Variants in HDAC9 observed in about 807,000 individuals in gnomAD.
HDAC9 encodes the protein MEF-2 interacting transcription repressor (MITR) protein.
A neutral mutation model predicts 139.4 loss-of-function variants in HDAC9; 41 were observed. That is an observed-to-expected ratio of 0.29 (90% CI 0.23 to 0.38). The LOEUF is 0.38. Ranked by LOEUF, HDAC9 falls within the 10% of genes least tolerant of loss-of-function variation. The pLI, the probability that HDAC9 is intolerant of heterozygous loss-of-function variation, is 1.00. For synonymous variants in HDAC9, 517 were observed against 476.2 expected (o/e 1.09, Z -1.12); for missense variants, 1,147 against 1,297.0 (o/e 0.88, Z 1.78).
chr7:18,770,844 G>C (rs1387193575), intron 16 of HDAC9, among the ~76,000 whole-genome samples: 1 of 152,164 alleles, frequency 6.6e-6, no homozygotes, highest in Non-Finnish European at 1.5e-5. Flanking sequence ...AAGCTGTGCT[G>C]GGGTTTACAG....
chr7:18,394,924 C>A (rs1405813840), intron 1 of HDAC9, among the ~76,000 whole-genome samples: 1 of 152,004 alleles, frequency 6.6e-6, no homozygotes, highest in Non-Finnish European at 1.5e-5. Flanking sequence ...TTTCATTTAA[C>A]ATAATTTAAC....
In HDAC9 at chr7:18,719,331, C is replaced by CTTTTTTTTTTTTTTTTTTTTTTTTTT. The variant is rs757689693; in HGVS notation, c.1732-8248_1732-8223dup. Among the ~76,000 whole-genome samples, 36 of 73,914 alleles carry CTTTTTTTTTTTTTTTTTTTTTTTTTT rather than the reference C, an allele frequency of 4.9e-4. 3 individuals are homozygous for CTTTTTTTTTTTTTTTTTTTTTTTTTT. The highest frequency in any genetic ancestry group is 1.2e-3 in the African/African-American group (18 of 15,206). 48.5% of individuals were successfully genotyped at this position (73,914 alleles called of 152,430 possible). On this transcript the variant is annotated intron_variant, in intron 12 of 25. Transcript: ENST00000686413. ...CTAATTAACCTATTTTTTTCTCTTCCTTTTTTTTTTTTTTTTTTTTTTTTT... is the reference window on the plus strand; with the variant it reads ...CTAATTAACCTATTTTTTTCTCTTCCTTTTTTTTTTTTTTTTTTTTTTTTTTTTTTTTTTTTTTTTTTTTTTTTTTT...
At chr7:18,477,432 A>G (rs780811601) in intron 1 of HDAC9, among the ~76,000 whole-genome samples, 4 of 151,874 alleles carry the variant, frequency 2.6e-5, no homozygotes, top group African/African-American at 9.7e-5. Context: ...TGTGAAACAA[A>G]TACACACAGG....
At chr7:18,576,561 C>A (rs982127416) in intron 2 of HDAC9, among the ~76,000 whole-genome samples, 35 of 150,978 alleles carry the variant, frequency 2.3e-4, no homozygotes, top group African/African-American at 8.5e-4. Context: ...ACTCGGGAGG[C>A]TGATGCAGGA....
intron 2 of HDAC9, among the ~76,000 whole-genome samples, chr7:18,271,017 AG>A (rs1333018819): frequency 6.6e-6 from 1 of 152,218 alleles, no homozygotes; most frequent in Non-Finnish European, 1.5e-5. Context: ...AAAAATGCTC[AG>A]GGTATTTAGT....
intron 2 of HDAC9, among the ~76,000 whole-genome samples, chr7:18,525,008 A>T (rs969498311): frequency 2.6e-5 from 4 of 152,108 alleles, no homozygotes; most frequent in African/African-American, 7.2e-5. Context: ...ATCTTATGAG[A>T]CTTTAAAATC....
At chr7:18,749,293 C>G (rs933691693) in intron 14 of HDAC9, among the ~76,000 whole-genome samples, 155 bp downstream of exon 14, 2 of 152,144 alleles carry the variant, frequency 1.3e-5, no homozygotes, top group Non-Finnish European at 2.9e-5. Flanking sequence ...GAGCTTACCA[C>G]CTGACTCTGG....
chr7:18,661,224 G>C (rs1002052200), intron 11 of HDAC9, among the ~76,000 whole-genome samples: 2 of 152,068 alleles, frequency 1.3e-5, no homozygotes, highest in African/African-American at 4.8e-5. Flanking sequence ...AGAGAAACAA[G>C]GATAAATCCC....
At chr7:18,763,501 A>G (rs1264225894) in intron 15 of HDAC9, among the ~76,000 whole-genome samples, 11 of 152,308 alleles carry the variant, frequency 7.2e-5, no homozygotes, top group African/African-American at 2.6e-4. Context: ...TCGAATTAAC[A>G]TTGTATATTA....
intron 25 of HDAC9, among the ~76,000 whole-genome samples, chr7:18,989,923 C>T (rs1196965021): frequency 6.6e-6 from 1 of 151,512 alleles, no homozygotes; most frequent in East Asian, 1.9e-4. Flanking sequence ...TTAAGCACTT[C>T]TCTGTGTTGG....
rs531869853 is a variant in HDAC9 at position 18,975,873 on chromosome 7, G to T, written c.3090G>T (p.Leu1030Phe). ...PRGCALAGAQ[L>F]QEETETVSAL... ...GCTGTGCTCTGGCTGGTGCTCAGTT[G>T]CAAGAGGAGACAGAGACCGTTTCTG... is the stretch of plus-strand genomic sequence containing the variant. Residue 1030 changes from leucine to phenylalanine, a missense_variant, in exon 25 of 26, where the codon TTG becomes TTT. By Grantham distance (22) the Leu-to-Phe change is conservative. Around this residue, in one of 7 missense-constraint regions of HDAC9, gnomAD observed 407 missense variants for 521.5 expected, o/e 0.78. Coordinates refer to ENST00000686413, the MANE Select transcript of HDAC9 (RefSeq NM_178425.4). 2.1e-5 allele frequency: 34 copies of T among 1,613,880 alleles called. No individual in the cohort carries two copies. In the East Asian group the frequency reaches 6.9e-4, roughly 33 times the overall value.
At chr7:18,272,402 A>T (rs1245352007) in intron 2 of HDAC9, among the ~76,000 whole-genome samples, 3 of 152,144 alleles carry the variant, frequency 2.0e-5, no homozygotes, top group African/African-American at 7.2e-5. Context: ...AGTCAGTAGG[A>T]TGTAGGGATA....
intron 22 of HDAC9, among the ~76,000 whole-genome samples, chr7:18,885,594 C>T (rs914298366): frequency 5.9e-5 from 9 of 152,128 alleles, no homozygotes; most frequent in African/African-American, 2.2e-4. Flanking sequence ...ACTAACAAAA[C>T]CACAACCAGA....
intron 1 of HDAC9, among the ~76,000 whole-genome samples, chr7:18,420,348 C>T (rs977271844): frequency 1.3e-5 from 2 of 152,082 alleles, no homozygotes; most frequent in African/African-American, 2.4e-5. Flanking sequence ...CTAGAGGTAA[C>T]GATATCAAAG....
At chr7:18,794,379 A>C (rs1160116572) in intron 17 of HDAC9, among the ~76,000 whole-genome samples, 1 of 152,222 alleles carries the variant, frequency 6.6e-6, no homozygotes, top group African/African-American at 2.4e-5. Flanking sequence ...ATTCAATTAC[A>C]TGGGACTCTT....
intron 25 of HDAC9, among the ~76,000 whole-genome samples, chr7:18,987,315 T>C (rs1165940055): frequency 6.6e-6 from 1 of 152,232 alleles, no homozygotes; most frequent in African/African-American, 2.4e-5. Flanking sequence ...TCTGCATCTA[T>C]TGAGATTATC....
intron 2 of HDAC9, among the ~76,000 whole-genome samples, chr7:18,565,211 A>T (rs1821910108): frequency 2.0e-5 from 3 of 152,134 alleles, no homozygotes; most frequent in South Asian, 4.2e-4. Flanking sequence ...GGTCAGGCTG[A>T]TCTCAAACTG....
chr7:18,634,563 A>G, intron 7 of HDAC9, 64 bp from the exon 8 acceptor site: 1 of 944,340 alleles, frequency 1.1e-6, no homozygotes, highest in Non-Finnish European at 1.6e-6. Flanking sequence ...TACATGTTAC[A>G]GTAACTAAAG....
At chr7:18,151,273 C>A (rs1402322361) in intron 1 of HDAC9, among the ~76,000 whole-genome samples, 1 of 152,148 alleles carries the variant, frequency 6.6e-6, no homozygotes, top group African/African-American at 2.4e-5. Flanking sequence ...GTTTTGAGTT[C>A]TGACACTGTA....
Sources: allele counts gnomAD v4.1 joint callset (sites outside exome capture counted in the v4.1 genomes callset), GRCh38; gene constraint gnomAD v4.1.1; regional missense constraint gnomAD v4.1.1; transcripts MANE v1.5; gene names NCBI Gene and HGNC (gene_info 2026-07-23, HGNC 2026-07-21).